The following LRRIQ1 variants were observed in gnomAD, a reference collection of about 807,000 sequenced individuals.
LRRIQ1 encodes the protein leucine rich repeats and IQ motif containing 1, also known as leucine-rich repeat- and IQ domain-containing protein 1.
A neutral mutation model predicts 211.9 loss-of-function variants in LRRIQ1; 210 were observed. That is an observed-to-expected ratio of 0.99 (90% CI 0.89 to 1.11). The LOEUF (loss-of-function observed/expected upper bound fraction) is 1.11. Among genes scored for constraint, LRRIQ1 ranks in the 50% most tolerant of loss-of-function variants. The pLI, the probability that LRRIQ1 is intolerant of heterozygous loss-of-function variation, is 0.00. For missense variants in LRRIQ1, 2,136 were observed against 1,939.5 expected (o/e 1.10, Z -1.90); for synonymous variants, 699 against 650.1 (o/e 1.08, Z -1.14).
chr12:85,159,858 GA>G (rs1890769356), intron 23 of LRRIQ1, among the ~76,000 whole-genome samples: 1 of 151,610 alleles, frequency 6.6e-6, no homozygotes, highest in Non-Finnish European at 1.5e-5. Context: ...GAATTCATAA[GA>G]AACATTTAAT....
intron 24 of LRRIQ1, among the ~76,000 whole-genome samples, chr12:85,187,126 C>T (rs1351568182): frequency 6.6e-6 from 1 of 152,118 alleles, no homozygotes; most frequent in African/African-American, 2.4e-5. Flanking sequence ...GGAGAAAAAA[C>T]ATGGGAACCC....
chr12:85,217,890 G>A (rs894956323), intron 24 of LRRIQ1, among the ~76,000 whole-genome samples: 2 of 151,046 alleles, frequency 1.3e-5, no homozygotes, highest in African/African-American at 4.9e-5. Context: ...GACATCATTA[G>A]ATGCTCCATT....
intron 24 of LRRIQ1, among the ~76,000 whole-genome samples, chr12:85,212,590 A>T (rs1229828454): frequency 1.3e-5 from 2 of 151,778 alleles, no homozygotes; most frequent in Non-Finnish European, 2.9e-5. Context: ...ACACAGAAAT[A>T]TCAATATATA....
chr12:85,228,328 C>T (rs1448240582), intron 24 of LRRIQ1, among the ~76,000 whole-genome samples: 3 of 152,034 alleles, frequency 2.0e-5, no homozygotes, highest in African/African-American at 7.2e-5. Flanking sequence ...AATTATAAGG[C>T]TATTTATGAA....
At chr12:85,251,090 G>A (rs542025589) in intron 1 of LRRIQ1, among the ~76,000 whole-genome samples, 17 of 144,420 alleles carry the variant, frequency 1.2e-4, no homozygotes, top group Admixed American at 9.6e-4. Context: ...TATGAAGAAC[G>A]TCTTTATGAA....
intron 26 of LRRIQ1, among the ~76,000 whole-genome samples, chr12:85,240,684 A>G (rs560911958): frequency 5.0e-4 from 76 of 152,290 alleles, no homozygotes; most frequent in Middle Eastern, 3.4e-3. Context: ...AGCAATAAAC[A>G]AGAAAGCTGT....
intron 26 of LRRIQ1, among the ~76,000 whole-genome samples, chr12:85,234,380 TA>T (rs2137213881): frequency 6.6e-6 from 1 of 152,344 alleles, no homozygotes; most frequent in South Asian, 2.1e-4. Context: ...TCTTCCACTA[TA>T]TACAAATAAA....
At chr12:85,077,977 G>A (rs2136141579) in intron 11 of LRRIQ1, among the ~76,000 whole-genome samples, 1 of 123,074 alleles carries the variant, frequency 8.1e-6, no homozygotes, top group African/African-American at 3.7e-5. Context: ...ACCAGAACGA[G>A]ACCCTGTCTC....
intron 13 of LRRIQ1, among the ~76,000 whole-genome samples, chr12:85,103,401 G>C (rs1223386362): frequency 1.3e-5 from 2 of 151,492 alleles, no homozygotes; most frequent in Non-Finnish European, 3.0e-5. Context: ...TACATATTGA[G>C]TATATTTCCA....
chr12:85,209,187 C>G (rs1473910351), intron 24 of LRRIQ1, among the ~76,000 whole-genome samples: 1 of 152,038 alleles, frequency 6.6e-6, no homozygotes, highest in African/African-American at 2.4e-5. Flanking sequence ...GAAGAAATAC[C>G]TAAGATTGGG....
chr12:85,072,096 C>T (rs1883147400), intron 10 of LRRIQ1, among the ~76,000 whole-genome samples: 1 of 151,948 alleles, frequency 6.6e-6, no homozygotes, highest in Admixed American at 6.6e-5. Flanking sequence ...ATCGTATTGA[C>T]ATACTTAAAT....
chr12:85,215,992 T>C (rs951049741), intron 24 of LRRIQ1, among the ~76,000 whole-genome samples: 7 of 152,304 alleles, frequency 4.6e-5, no homozygotes, highest in African/African-American at 1.4e-4. Flanking sequence ...AGCTTAACTA[T>C]AGTAGTTGCC....
At chr12:85,216,425 C>T (rs1452014199) in intron 24 of LRRIQ1, among the ~76,000 whole-genome samples, 1 of 151,432 alleles carries the variant, frequency 6.6e-6, no homozygotes, top group Non-Finnish European at 1.5e-5. Flanking sequence ...AGGCAGTGTT[C>T]TATATTTTGA....
chr12:85,083,901 T>A (rs1050110455), intron 11 of LRRIQ1, among the ~76,000 whole-genome samples: 1 of 152,206 alleles, frequency 6.6e-6, no homozygotes, highest in Non-Finnish European at 1.5e-5. Flanking sequence ...GTAATTCTCT[T>A]AACAATAAAT....
chr12:85,248,956 G>A (rs1274344188), downstream of LRRIQ1, among the ~76,000 whole-genome samples: 1 of 151,682 alleles, frequency 6.6e-6, no homozygotes, highest in East Asian at 1.9e-4. Context: ...AAGTTTGAAA[G>A]TAAAGTAGAA....
chr12:85,068,640 T>C (rs1466016689), intron 10 of LRRIQ1, among the ~76,000 whole-genome samples: 1 of 151,882 alleles, frequency 6.6e-6, no homozygotes, highest in African/African-American at 2.4e-5. Context: ...GAATTAATAA[T>C]GAATCCTTGT....
At chr12:85,084,063 T>C (rs969653413) in intron 11 of LRRIQ1, among the ~76,000 whole-genome samples, 1 of 152,216 alleles carries the variant, frequency 6.6e-6, no homozygotes, top group Non-Finnish European at 1.5e-5. Flanking sequence ...ATGAGTTTTA[T>C]ATCAGAGTAA....
chr12:85,266,790 T>C (rs1247814561), downstream of LRRIQ1, among the ~76,000 whole-genome samples: 1 of 152,178 alleles, frequency 6.6e-6, no homozygotes, highest in East Asian at 1.9e-4. Flanking sequence ...TAGTAGTCTT[T>C]GCTGTAAGGC....
At chr12:85,248,570 T>A (rs1895803125), downstream of LRRIQ1, among the ~76,000 whole-genome samples, 1 of 151,640 alleles carries the variant, frequency 6.6e-6, no homozygotes. Flanking sequence ...AAACCCACAA[T>A]ACCTCTGTAA....
Sources: gnomAD v4.1 joint callset for allele counts (sites outside exome capture counted in the v4.1 genomes callset) on GRCh38, gnomAD v4.1.1 for gene constraint, MANE v1.5 for transcripts, NCBI Gene and HGNC (gene_info 2026-07-23, HGNC 2026-07-21) for gene names.